The following PDE4D variants were observed in gnomAD, a reference collection of about 807,000 sequenced individuals.
PDE4D encodes the protein 3',5'-cyclic-AMP phosphodiesterase 4D.
A neutral mutation model predicts 87.4 loss-of-function variants in PDE4D; 24 were observed. The observed-to-expected ratio is 0.27, with a 90% CI of 0.20 to 0.39. PDE4D has a LOEUF of 0.39. Ranked by LOEUF, PDE4D falls within the 10% of genes least tolerant of loss-of-function variation. PDE4D has a pLI of 1.00. For synonymous variants in PDE4D, 384 were observed against 383.2 expected, an observed-to-expected ratio of 1.00 and a Z score of -0.02; for missense variants, 714 against 1,041.0, an observed-to-expected ratio of 0.69 and a Z score of 4.32.
At chr5:60,241,253 G>GTC (rs201578593) in intron 1 of PDE4D, among the ~76,000 whole-genome samples, 62 of 145,526 alleles carry the variant, frequency 4.3e-4, no homozygotes, top group African/African-American at 1.1e-3. Context: ...ATACATCAGA[G>GTC]TCTCTCTCTC....
chr5:59,517,649 T>C (rs572946857), intron 1 of PDE4D, among the ~76,000 whole-genome samples: 1 of 152,304 alleles, frequency 6.6e-6, no homozygotes, highest in East Asian at 1.9e-4. Flanking sequence ...GTTTCCTCAC[T>C]AGTAAAATGA....
At chr5:59,289,705 C>T (rs963945322) in intron 1 of PDE4D, among the ~76,000 whole-genome samples, 1 of 151,572 alleles carries the variant, frequency 6.6e-6, no homozygotes, top group African/African-American at 2.4e-5. Flanking sequence ...ACAATCAGAC[C>T]AAAGAAAGAA....
intron 1 of PDE4D, among the ~76,000 whole-genome samples, chr5:59,258,068 CTT>C (rs1330569748): frequency 6.6e-6 from 1 of 151,954 alleles, no homozygotes; most frequent in South Asian, 2.1e-4. Context: ...AGACAGCAAT[CTT>C]TCACTTCTTT....
At chr5:60,029,830 G>A (rs1767025544) in intron 2 of PDE4D, among the ~76,000 whole-genome samples, 1 of 152,102 alleles carries the variant, frequency 6.6e-6, no homozygotes, top group South Asian at 2.1e-4. Context: ...TGGTGGTGAT[G>A]GTGATGATGT....
intron 1 of PDE4D, among the ~76,000 whole-genome samples, chr5:60,216,993 T>A (rs543885145): frequency 1.8e-4 from 27 of 152,186 alleles, no homozygotes; most frequent in African/African-American, 6.5e-4. Context: ...TTCTTCTCAA[T>A]GCACATGGGA....
intron 1 of PDE4D, among the ~76,000 whole-genome samples, chr5:59,226,440 G>A (rs1233959147): frequency 6.6e-6 from 1 of 152,152 alleles, no homozygotes; most frequent in Non-Finnish European, 1.5e-5. Context: ...GGGATTTAAA[G>A]TAGTTGAACT....
intron 2 of PDE4D, among the ~76,000 whole-genome samples, chr5:60,126,980 C>T (rs1779174734): frequency 6.6e-6 from 1 of 152,114 alleles, no homozygotes. Flanking sequence ...TATACTTCTG[C>T]AGCATATATA....
chr5:59,102,602 C>G (rs1018061695), intron 5 of PDE4D, among the ~76,000 whole-genome samples: 2 of 152,122 alleles, frequency 1.3e-5, no homozygotes, highest in Admixed American at 1.3e-4. Context: ...CAGACAATAG[C>G]GGTAACCCTT....
At chr5:60,061,490 A>C (rs1376424470) in intron 2 of PDE4D, among the ~76,000 whole-genome samples, 1 of 152,216 alleles carries the variant, frequency 6.6e-6, no homozygotes, top group East Asian at 1.9e-4. Flanking sequence ...CAATATCATG[A>C]AAATGGCCAT....
chr5:60,100,795 A>C (rs1321806679), intron 2 of PDE4D, among the ~76,000 whole-genome samples: 1 of 152,148 alleles, frequency 6.6e-6, no homozygotes, highest in African/African-American at 2.4e-5. Context: ...CCATGGGCAT[A>C]TATCAGCTCT....
intron 1 of PDE4D, among the ~76,000 whole-genome samples, chr5:60,324,325 A>G (rs1488759207): frequency 3.3e-5 from 5 of 151,830 alleles, no homozygotes; most frequent in Non-Finnish European, 7.3e-5. Flanking sequence ...ATCTGTCCTT[A>G]TAATAAACTA....
At chr5:59,574,020 A>T (rs1171856136) in intron 1 of PDE4D, among the ~76,000 whole-genome samples, 4 of 111,414 alleles carry the variant, frequency 3.6e-5, no homozygotes, top group East Asian at 4.6e-4. Flanking sequence ...ATATATATAT[A>T]TATATATAAA....
intron 2 of PDE4D, among the ~76,000 whole-genome samples, chr5:60,094,679 G>A (rs1443365010): frequency 6.8e-6 from 1 of 146,808 alleles, no homozygotes; most frequent in African/African-American, 2.5e-5. Context: ...GAGACATACA[G>A]GGAAGGAAGT....
At chr5:59,147,313 A>G (rs963189215) in intron 5 of PDE4D, among the ~76,000 whole-genome samples, 11 of 152,220 alleles carry the variant, frequency 7.2e-5, no homozygotes, top group African/African-American at 2.7e-4. Flanking sequence ...CCACATCTTA[A>G]GCTACAATGG....
chr5:59,504,997 G>A (rs533865670), intron 1 of PDE4D, among the ~76,000 whole-genome samples: 9 of 151,630 alleles, frequency 5.9e-5, no homozygotes, highest in African/African-American at 2.2e-4. Context: ...AGAAGTGTAG[G>A]GCTGCTCATT....
intron 2 of PDE4D, among the ~76,000 whole-genome samples, chr5:60,057,278 T>G (rs989350156): frequency 6.6e-5 from 10 of 152,060 alleles, no homozygotes; most frequent in African/African-American, 2.4e-4. Context: ...ATCACAGTTG[T>G]GAAATTTGAG....
intron 1 of PDE4D, among the ~76,000 whole-genome samples, chr5:59,539,904 T>C (rs1816005288): frequency 6.6e-6 from 1 of 152,146 alleles, no homozygotes; most frequent in Non-Finnish European, 1.5e-5. Flanking sequence ...GTCAAAGTCA[T>C]TTTAAGAGAA....
intron 1 of PDE4D, among the ~76,000 whole-genome samples, chr5:59,773,003 T>C (rs1763731098): frequency 6.6e-6 from 1 of 152,214 alleles, no homozygotes; most frequent in South Asian, 2.1e-4. Flanking sequence ...AAAAGAATGC[T>C]ACAAGGATTA....
chr5:59,762,893 A>ATATC (rs70975330), intron 1 of PDE4D, among the ~76,000 whole-genome samples: 2 of 105,906 alleles, frequency 1.9e-5, no homozygotes, highest in African/African-American at 3.4e-5. Context: ...ATATATATAT[A>ATATC]GCTTGCTCTT....
Sources: gnomAD v4.1 joint callset for allele counts (sites outside exome capture counted in the v4.1 genomes callset) on GRCh38, gnomAD v4.1.1 for gene constraint, MANE v1.5 for transcripts, NCBI Gene and HGNC (gene_info 2026-07-23, HGNC 2026-07-21) for gene names.